Variants in CTNND2 observed in about 807,000 individuals in gnomAD.
CTNND2 encodes catenin delta-2.
In CTNND2, 22 loss-of-function variants were observed where a neutral mutation model predicts 144.4. The ratio of observed to expected loss-of-function variants is 0.15; its 90% CI spans 0.11 to 0.22. The LOEUF (loss-of-function observed/expected upper bound fraction) is 0.22. CTNND2 is among the 10% of genes least tolerant of loss of function. The pLI is 1.00. For missense variants in CTNND2, 1,353 were observed against 1,618.8 expected (o/e 0.84, Z 2.82); for synonymous variants, 751 against 695.6 (o/e 1.08, Z -1.25).
At chr5:11,123,401 C>T (rs1754340720) in intron 12 of CTNND2, among the ~76,000 whole-genome samples, 1 of 152,314 alleles carries the variant, frequency 6.6e-6, no homozygotes, top group East Asian at 1.9e-4. Context: ...TTGGTTGTCA[C>T]CGCTGGGTGA....
chr5:11,536,917 GC>G (rs1774263696), intron 3 of CTNND2, among the ~76,000 whole-genome samples: 1 of 151,948 alleles, frequency 6.6e-6, no homozygotes, highest in African/African-American at 2.4e-5. Flanking sequence ...TAAATAAAAT[GC>G]ATTTAATATG....
At chr5:11,494,363 C>T (rs894006756) in intron 3 of CTNND2, among the ~76,000 whole-genome samples, 1 of 152,030 alleles carries the variant, frequency 6.6e-6, no homozygotes. Flanking sequence ...TCAGTTTTAC[C>T]AATCACTTAC....
chr5:11,513,621 C>T (rs1357618515), intron 3 of CTNND2, among the ~76,000 whole-genome samples: 1 of 152,090 alleles, frequency 6.6e-6, no homozygotes, highest in Non-Finnish European at 1.5e-5. Context: ...AACTGAAGAT[C>T]CCTAAGTATG....
At chr5:11,463,507 T>C (rs538490424) in intron 3 of CTNND2, among the ~76,000 whole-genome samples, 42 of 152,288 alleles carry the variant, frequency 2.8e-4, no homozygotes, top group African/African-American at 9.1e-4. Context: ...ACCAGGACCC[T>C]TGTTTGTGGC....
chr5:11,295,067 A>G (rs1367232408), intron 9 of CTNND2, among the ~76,000 whole-genome samples: 1 of 152,134 alleles, frequency 6.6e-6, no homozygotes, highest in Admixed American at 6.6e-5. Flanking sequence ...TGACATGACT[A>G]TATATCTAGA....
intron 18 of CTNND2, among the ~76,000 whole-genome samples, chr5:10,997,421 G>A (rs889332095): frequency 1.4e-4 from 22 of 151,988 alleles, no homozygotes; most frequent in African/African-American, 4.8e-4. Context: ...GTGAAACCCC[G>A]TCTTTACCAA....
intron 2 of CTNND2, among the ~76,000 whole-genome samples, chr5:11,726,281 T>C (rs1399364352): frequency 1.3e-5 from 2 of 152,116 alleles, no homozygotes; most frequent in East Asian, 3.8e-4. Flanking sequence ...CACATACTCA[T>C]TAGAAACATG....
chr5:11,569,766 G>C lies in CTNND2; in HGVS notation c.175-4710C>G, dbSNP rs1777414297. ...CTTCATTTCTATGGTCTAAATGCCTGTGTCTCCATCCCCTGCCCAAGATTC... is the reference window on the plus strand; with the variant it reads ...CTTCATTTCTATGGTCTAAATGCCTCTGTCTCCATCCCCTGCCCAAGATTC... On this transcript the variant is annotated intron_variant, in intron 2 of 21. Transcript: ENST00000304623. Among the ~76,000 whole-genome samples, 5 of 152,112 alleles carry C rather than the reference G, an allele frequency of 3.3e-5. No individual in the cohort carries two copies. In the South Asian group the frequency reaches 1.0e-3, roughly 32 times the overall value.
intron 3 of CTNND2, among the ~76,000 whole-genome samples, chr5:11,531,665 T>C (rs188907860): frequency 1.6e-3 from 242 of 152,204 alleles, no homozygotes; most frequent in African/African-American, 5.3e-3. Context: ...GCCACTGCCA[T>C]GGCGGATTGT....
At chr5:11,175,429 T>G (rs1184652313) in intron 11 of CTNND2, among the ~76,000 whole-genome samples, 1 of 152,166 alleles carries the variant, frequency 6.6e-6, no homozygotes, top group Non-Finnish European at 1.5e-5. Context: ...TATCATATAC[T>G]CACATGTCAC....
chr5:11,121,604 T>C (rs1404634851), intron 12 of CTNND2, among the ~76,000 whole-genome samples: 2 of 152,204 alleles, frequency 1.3e-5, no homozygotes, highest in South Asian at 2.1e-4. Flanking sequence ...GTCTTCCAAA[T>C]TAAAAGACCA....
intron 11 of CTNND2, among the ~76,000 whole-genome samples, chr5:11,172,593 G>T (rs1173630859): frequency 6.6e-6 from 1 of 152,172 alleles, no homozygotes; most frequent in African/African-American, 2.4e-5. Context: ...GAAAGAAGTG[G>T]TCTCAAGCCT....
chr5:11,012,059 C>T (rs186119177), intron 18 of CTNND2, among the ~76,000 whole-genome samples: 7 of 152,288 alleles, frequency 4.6e-5, no homozygotes, highest in Admixed American at 6.5e-5. Context: ...ATGGCAGAGA[C>T]GGCACTTGCC....
At chr5:11,043,779 G>T (rs1333068298) in intron 16 of CTNND2, among the ~76,000 whole-genome samples, 1 of 152,184 alleles carries the variant, frequency 6.6e-6, no homozygotes, top group Non-Finnish European at 1.5e-5. Context: ...ATTGAGATGG[G>T]ATTTCACTTG....
intron 5 of CTNND2, among the ~76,000 whole-genome samples, chr5:11,406,689 G>T (rs1761126039): frequency 6.6e-6 from 1 of 151,936 alleles, no homozygotes; most frequent in Non-Finnish European, 1.5e-5. Flanking sequence ...AGTCAACAGT[G>T]AATAATATAT....
chr5:11,106,593 G>T (rs976103432), intron 14 of CTNND2, among the ~76,000 whole-genome samples: 1 of 152,222 alleles, frequency 6.6e-6, no homozygotes, highest in African/African-American at 2.4e-5. Context: ...GTAATGAAAT[G>T]AATACAAGTT....
At chr5:11,061,114 T>A (rs1481451896) in intron 16 of CTNND2, among the ~76,000 whole-genome samples, 1 of 152,088 alleles carries the variant, frequency 6.6e-6, no homozygotes, top group African/African-American at 2.4e-5. Flanking sequence ...TGATCTACCA[T>A]CCCCTCCCCT....
At chr5:11,008,462 A>G (rs1254629017) in intron 18 of CTNND2, among the ~76,000 whole-genome samples, 1 of 152,226 alleles carries the variant, frequency 6.6e-6, no homozygotes, top group African/African-American at 2.4e-5. Flanking sequence ...CCACCAGCCA[A>G]GGAATGCAGG....
At chr5:11,054,861 C>G (rs1390208693) in intron 16 of CTNND2, among the ~76,000 whole-genome samples, 1 of 152,120 alleles carries the variant, frequency 6.6e-6, no homozygotes, top group African/African-American at 2.4e-5. Flanking sequence ...TATAAAGAGC[C>G]TTTACATTTC....
Sources: gnomAD v4.1 joint callset for allele counts (sites outside exome capture counted in the v4.1 genomes callset) on GRCh38, gnomAD v4.1.1 for gene constraint, MANE v1.5 for transcripts, NCBI Gene and HGNC (gene_info 2026-07-23, HGNC 2026-07-21) for gene names.